Variants in SNTG1 observed in about 807,000 individuals in gnomAD.
SNTG1 encodes the protein syntrophin gamma 1.
In SNTG1, 39 loss-of-function variants were observed where a neutral mutation model predicts 74.7. The ratio of observed to expected loss-of-function variants is 0.52; its 90% CI spans 0.40 to 0.68. The LOEUF (loss-of-function observed/expected upper bound fraction) is 0.68, where lower values mean the gene tolerates loss of function less well. SNTG1 is among the 30% of genes least tolerant of loss of function. SNTG1 has a pLI of 0.00. For missense variants in SNTG1, 685 were observed against 609.5 expected (o/e 1.12, Z -1.30); for synonymous variants, 254 against 217.1 (o/e 1.17, Z -1.49).
At chr8:50,021,037 G>T (rs1816769825) in intron 1 of SNTG1, among the ~76,000 whole-genome samples, 1 of 152,128 alleles carries the variant, frequency 6.6e-6, no homozygotes, top group African/African-American at 2.4e-5. Context: ...CTACTGTGAT[G>T]AATATCTTTG....
intron 15 of SNTG1, among the ~76,000 whole-genome samples, chr8:50,687,799 C>A (rs1450891989): frequency 1.3e-5 from 2 of 152,122 alleles, no homozygotes; most frequent in East Asian, 3.9e-4. Flanking sequence ...TCAATTCCCA[C>A]CCGGGAGTGA....
At chr8:50,013,468 TAGA>T (rs1563471696) in intron 1 of SNTG1, among the ~76,000 whole-genome samples, 5 of 57,798 alleles carry the variant, frequency 8.7e-5, no homozygotes, top group African/African-American at 2.8e-4. Flanking sequence ...GATAGAGAGA[TAGA>T]TAGATAGATA....
At chr8:50,484,206 T>C (rs2093769182) in intron 8 of SNTG1, among the ~76,000 whole-genome samples, 1 of 126,800 alleles carries the variant, frequency 7.9e-6, no homozygotes, top group African/African-American at 3.2e-5. Context: ...CCTTCCTTCC[T>C]TCCTTCCTTC....
chr8:49,943,170 G>A lies in SNTG1; in HGVS notation c.-103+30939G>A, dbSNP rs16914073. On this transcript the variant is annotated intron_variant, in intron 1 of 18. Coordinates refer to ENST00000642720, the MANE Select transcript of SNTG1 (RefSeq NM_018967.5). ...TCCACCCTGTTCAAAAAGAAGTTGG[G>A]AGTGAAAGAACGTTTCAGAAAGGTG... Among the ~76,000 whole-genome samples, 822 of 152,282 alleles carry A rather than the reference G, an allele frequency of 5.4e-3. 11 individuals are homozygous for A. The highest frequency in any genetic ancestry group is 0.019 in the African/African-American group (778 of 41,556).
At chr8:50,137,207 A>C (rs1032355243) in intron 1 of SNTG1, among the ~76,000 whole-genome samples, 4 of 152,200 alleles carry the variant, frequency 2.6e-5, no homozygotes, top group Non-Finnish European at 4.4e-5. Context: ...GTGAGATTTG[A>C]AAGTGAGAAG....
At chr8:50,551,206 G>A (rs1563562253) in intron 11 of SNTG1, among the ~76,000 whole-genome samples, 1 of 151,966 alleles carries the variant, frequency 6.6e-6, no homozygotes, top group Admixed American at 6.6e-5. Flanking sequence ...TACTATAAGA[G>A]GTCATATGTA....
At chr8:50,698,271 T>G (rs1241508253) in intron 15 of SNTG1, among the ~76,000 whole-genome samples, 1 of 152,176 alleles carries the variant, frequency 6.6e-6, no homozygotes, top group African/African-American at 2.4e-5. Flanking sequence ...ACTGCTACCT[T>G]GGCCAAGAGG....
intron 9 of SNTG1, among the ~76,000 whole-genome samples, chr8:50,511,593 G>T (rs576364403): frequency 6.6e-6 from 1 of 152,190 alleles, no homozygotes; most frequent in South Asian, 2.1e-4. Context: ...ATGAATCTGG[G>T]TGCTCCTGTA....
At chr8:50,721,988 G>T (rs2095488696) in intron 17 of SNTG1, among the ~76,000 whole-genome samples, 1 of 151,920 alleles carries the variant, frequency 6.6e-6, no homozygotes, top group African/African-American at 2.4e-5. Context: ...TTCAGTGTCA[G>T]GAACAAATGA....
At chr8:50,531,761 C>T (rs2094270195) in intron 10 of SNTG1, among the ~76,000 whole-genome samples, 2 of 152,158 alleles carry the variant, frequency 1.3e-5, no homozygotes, top group Non-Finnish European at 2.9e-5. Context: ...GAATCTCCAT[C>T]TCACCTCTGC....
intron 13 of SNTG1, among the ~76,000 whole-genome samples, chr8:50,597,380 C>CACATATATACATATATACATATAT (rs58713973): frequency 6.6e-4 from 87 of 131,432 alleles, no homozygotes; most frequent in Non-Finnish European, 1.0e-3. Flanking sequence ...TGTATATATA[C>CACATATATACATATATACATATAT]ACATATATAC....
chr8:50,778,031 C>A lies in SNTG1; in HGVS notation c.1396-14640C>A, dbSNP rs1204948359. 8.5e-5 allele frequency among the ~76,000 whole-genome samples: 13 copies of A among 152,196 alleles called. No homozygotes were observed. The East Asian group carries it at 2.5e-3, about 29-fold the overall frequency. ...TCCATGTCCCTACAAAGGACATGAA[C>A]TCATCATTTTTTATGGCCGCATAGT... On this transcript the variant is annotated intron_variant, in intron 18 of 18. Coordinates refer to ENST00000642720, the MANE Select transcript of SNTG1 (RefSeq NM_018967.5).
In SNTG1 at chr8:50,682,773, C is replaced by T. The variant is rs551245402; in HGVS notation, c.1039-21827C>T. ...CACCCTCAGGCATGCCCTATCTGCT[C>T]TAGTCTTTTGCTACCCACCCAATAA... On this transcript the variant is annotated intron_variant, in intron 15 of 18. Transcript: ENST00000642720. Among the ~76,000 whole-genome samples, 453 of 152,268 alleles carry T rather than the reference C, an allele frequency of 3.0e-3. 3 individuals are homozygous for T. The highest frequency in any genetic ancestry group is 0.011 in the African/African-American group (438 of 41,568).
intron 18 of SNTG1, among the ~76,000 whole-genome samples, chr8:50,782,983 G>C (rs942395445): frequency 6.6e-6 from 1 of 152,156 alleles, no homozygotes; most frequent in African/African-American, 2.4e-5. Context: ...GACCCTGTTT[G>C]CCTGGGTACC....
At chr8:50,356,319 A>ATAGAGAAG (rs1322615337) in intron 2 of SNTG1, among the ~76,000 whole-genome samples, 1 of 152,044 alleles carries the variant, frequency 6.6e-6, no homozygotes, top group Non-Finnish European at 1.5e-5. Context: ...AGGATTCCTA[A>ATAGAGAAG]TAGAGAAGTA....
At chr8:50,655,455 T>G (rs1464203584) in intron 13 of SNTG1, among the ~76,000 whole-genome samples, 1 of 152,212 alleles carries the variant, frequency 6.6e-6, no homozygotes. Context: ...CATATGTTAG[T>G]AACCTAAAAG....
chr8:50,515,787 A>G (rs148704825), intron 9 of SNTG1, among the ~76,000 whole-genome samples: 6,020 of 152,190 alleles, frequency 0.04, 124 homozygotes, highest in Middle Eastern at 0.11. Context: ...CTCTGAAAGA[A>G]AGGCAGCAGC....
At chr8:50,183,940 A>T (rs545071772) in intron 2 of SNTG1, among the ~76,000 whole-genome samples, 18 of 152,248 alleles carry the variant, frequency 1.2e-4, no homozygotes, top group African/African-American at 4.1e-4. Context: ...AATCTACCAA[A>T]CTAGCTGCAT....
At chr8:50,456,770 T>A (rs1563412357) in intron 8 of SNTG1, among the ~76,000 whole-genome samples, 1 of 151,988 alleles carries the variant, frequency 6.6e-6, no homozygotes, top group Non-Finnish European at 1.5e-5. Context: ...AACCAATTAC[T>A]TAGGAGGGCC....
Sources: allele counts gnomAD v4.1 joint callset (sites outside exome capture counted in the v4.1 genomes callset), GRCh38; gene constraint gnomAD v4.1.1; transcripts MANE v1.5; gene names NCBI Gene and HGNC (gene_info 2026-07-23, HGNC 2026-07-21).